KIAA1549: variants seen among roughly 807,000 people sequenced by gnomAD.
KIAA1549 encodes UPF0606 protein KIAA1549.
Under a neutral mutation model 156.4 loss-of-function variants are expected in KIAA1549, and 70 were observed. That is an observed-to-expected ratio of 0.45 (90% CI 0.37 to 0.55). The LOEUF (loss-of-function observed/expected upper bound fraction) is 0.55, where lower values mean the gene tolerates loss of function less well. KIAA1549 is among the 20% of genes least tolerant of loss of function. The probability of loss-of-function intolerance (pLI) is 0.00; values close to 1 mark genes in which losing one functional copy is unlikely to be tolerated. For synonymous variants in KIAA1549, 1,103 were observed against 1,066.4 expected, an observed-to-expected ratio of 1.03 and a Z score of -0.67; for missense variants, 2,428 against 2,540.9, an observed-to-expected ratio of 0.96 and a Z score of 0.96.
intron 16 of KIAA1549, among the ~76,000 whole-genome samples, chr7:138,858,463 G>A (rs937044119): frequency 1.3e-5 from 2 of 151,984 alleles, no homozygotes; most frequent in East Asian, 3.9e-4. Context: ...TTGATTTGAT[G>A]CAGACATTAT....
intron 1 of KIAA1549, among the ~76,000 whole-genome samples, chr7:138,978,929 C>A (rs531046722): frequency 1.3e-5 from 2 of 152,232 alleles, no homozygotes; most frequent in Non-Finnish European, 2.9e-5. Flanking sequence ...CCACCCTCCA[C>A]CAAGATCGTT....
chr7:138,950,010 G>A (rs996486156), intron 1 of KIAA1549, among the ~76,000 whole-genome samples: 1 of 152,216 alleles, frequency 6.6e-6, no homozygotes, highest in Non-Finnish European at 1.5e-5. Flanking sequence ...AGTTATCCCA[G>A]CACCATGAGC....
intron 1 of KIAA1549, among the ~76,000 whole-genome samples, chr7:138,970,399 A>T (rs934414421): frequency 6.6e-6 from 1 of 152,204 alleles, no homozygotes; most frequent in African/African-American, 2.4e-5. Flanking sequence ...CCAGCCAGGC[A>T]CCAGCTCAGC....
In KIAA1549 at chr7:138,918,424, C is replaced by G. The variant is rs1812421025; in HGVS notation, c.1202G>C (p.Gly401Ala). 1 of 1,613,866 alleles carries G rather than the reference C, an allele frequency of 6.2e-7. No homozygotes were observed. Among genetic ancestry groups the G allele is most frequent in the African/African-American group, 1.3e-5 (1 of 74,980 alleles). The change falls in exon 2 of 20, where the codon GGT becomes GCT. Residue 401 changes from glycine to alanine, a missense_variant. Physicochemically the swap from Gly to Ala is moderately conservative, Grantham distance 60. Around this residue, in one of 5 missense-constraint regions of KIAA1549, gnomAD observed 893 missense variants for 847.9 expected, o/e 1.05. Coordinates refer to ENST00000422774, the MANE Select transcript of KIAA1549 (RefSeq NM_001164665.2). This position sits in a 1 kb window ranked among gnomAD's most constrained non-coding sequence, Gnocchi z 4.2. ...CAGGATATGAGTGTTGTCCACAGGACCGGGGAGGGCTGAATTGCTATGCAA... is the reference window on the plus strand; with the variant it reads ...CAGGATATGAGTGTTGTCCACAGGAGCGGGGAGGGCTGAATTGCTATGCAA... ...SELHSNSALP[G>A]PVDNTHILSP...
chr7:138,950,052 G>C (rs934928054), intron 1 of KIAA1549, among the ~76,000 whole-genome samples: 2 of 152,214 alleles, frequency 1.3e-5, no homozygotes, highest in Non-Finnish European at 2.9e-5. Context: ...GTGTTAAAAC[G>C]TGTGTATGGC....
In KIAA1549 at chr7:138,835,301, A is replaced by G; in HGVS notation, c.*2605T>C. 1 of 215,636 alleles carries G rather than the reference A, an allele frequency of 4.6e-6. No individual in the cohort carries two copies. The highest frequency in any genetic ancestry group is 9.4e-6 in the Non-Finnish European group (1 of 106,854). 13.4% of individuals were successfully genotyped at this position (215,636 alleles called of 1,614,324 possible). ...CTGTGTGTGCTTTATGACCACCAGCAGAGGGCTGGTGATCCGGGGGCCTGC... is the reference window on the plus strand; with the variant it reads ...CTGTGTGTGCTTTATGACCACCAGCGGAGGGCTGGTGATCCGGGGGCCTGC... On this transcript the variant is annotated 3_prime_UTR_variant, in exon 20 of 20. Coordinates refer to ENST00000422774, the MANE Select transcript of KIAA1549 (RefSeq NM_001164665.2).
chr7:138,953,482 G>C (rs1813556953), intron 1 of KIAA1549, among the ~76,000 whole-genome samples: 2 of 151,978 alleles, frequency 1.3e-5, no homozygotes, highest in Admixed American at 1.3e-4. Context: ...TTTTTAAGAA[G>C]GGTCATCCCT....
chr7:138,962,463 C>G (rs749057557), intron 1 of KIAA1549, among the ~76,000 whole-genome samples: 24 of 152,162 alleles, frequency 1.6e-4, no homozygotes, highest in Non-Finnish European at 2.4e-4. Context: ...CAGAATGCAT[C>G]AGAGACAACT....
chr7:138,897,543 TG>T (rs778518141), intron 9 of KIAA1549, among the ~76,000 whole-genome samples: 3 of 152,152 alleles, frequency 2.0e-5, no homozygotes, highest in Non-Finnish European at 4.4e-5. Flanking sequence ...CTTTTATTGC[TG>T]GGAGCAAGTT....
chr7:138,916,415 G>A (rs967387966), intron 2 of KIAA1549, among the ~76,000 whole-genome samples: 5 of 152,104 alleles, frequency 3.3e-5, no homozygotes, highest in African/African-American at 9.7e-5. Context: ...CCTTGTGACT[G>A]CTGACTAATA....
chr7:138,911,556 T>C (rs912837460), intron 3 of KIAA1549, among the ~76,000 whole-genome samples: 11 of 152,140 alleles, frequency 7.2e-5, no homozygotes, highest in Non-Finnish European at 1.6e-4. Flanking sequence ...AACTGAATAA[T>C]GAGTTATAGG....
At chr7:138,907,991 C>G (rs187648830) in intron 5 of KIAA1549, among the ~76,000 whole-genome samples, 344 of 152,252 alleles carry the variant, frequency 2.3e-3, no homozygotes, top group African/African-American at 8.0e-3. Flanking sequence ...ACACTGCACC[C>G]AGAGAGAAGC....
At position 138,894,323 on chromosome 7, in the gene KIAA1549, G is replaced by A. The variant is rs769303917; in HGVS notation, c.4032+19C>T. The A allele has an allele frequency of 3.1e-6, 5 of 1,612,960 alleles. No homozygotes were observed. The highest frequency in any genetic ancestry group is 4.2e-6 in the Non-Finnish European group (5 of 1,179,096). ...CAAAACTGCTTATAGGAACACTGGG[G>A]GAAGAGGCTGCCCGTTACCTTCTGA... On this transcript the variant is annotated intron_variant, in intron 10 of 19. Coordinates refer to ENST00000422774, the MANE Select transcript of KIAA1549 (RefSeq NM_001164665.2).
chr7:138,894,099 C>A (rs1254232434), intron 10 of KIAA1549, among the ~76,000 whole-genome samples: 1 of 152,174 alleles, frequency 6.6e-6, no homozygotes, highest in Non-Finnish European at 1.5e-5. Flanking sequence ...CATAGTAGAA[C>A]CCGGAGGGCA....
At chr7:138,863,183 G>A (rs1810638665) in intron 15 of KIAA1549, among the ~76,000 whole-genome samples, 1 of 151,762 alleles carries the variant, frequency 6.6e-6, no homozygotes, top group South Asian at 2.1e-4. Flanking sequence ...CAGACACAGT[G>A]AAGAGAGAAA....
intron 1 of KIAA1549, among the ~76,000 whole-genome samples, chr7:138,929,778 C>CT (rs879853075): frequency 2.6e-4 from 39 of 152,312 alleles, no homozygotes; most frequent in Middle Eastern, 6.8e-3. Context: ...CACCCTTGAA[C>CT]TCCTGGGCTC....
chr7:138,966,187 G>C (rs949521692), intron 1 of KIAA1549, among the ~76,000 whole-genome samples: 1 of 152,102 alleles, frequency 6.6e-6, no homozygotes, highest in Non-Finnish European at 1.5e-5. Context: ...GTGGAAACAG[G>C]GTCATCAAAG....
chr7:138,976,289 C>T (rs374303349), intron 1 of KIAA1549, among the ~76,000 whole-genome samples: 3 of 152,162 alleles, frequency 2.0e-5, no homozygotes, highest in African/African-American at 7.2e-5. Flanking sequence ...GTTGGCCAGG[C>T]TGGTCTCCAA....
At position 138,894,334 on chromosome 7, in the gene KIAA1549, C is replaced by T; in HGVS notation, c.4032+8G>A. 1 of 1,613,696 alleles carries T rather than the reference C, an allele frequency of 6.2e-7. No homozygotes were observed. Among genetic ancestry groups the T allele is most frequent in the Non-Finnish European group, 8.5e-7 (1 of 1,179,652 alleles). The stretch of plus-strand genomic sequence containing the variant: ...ATAGGAACACTGGGGGAAGAGGCTG[C>T]CCGTTACCTTCTGACGCTGCTGAAT... On this transcript the variant is annotated splice_region_variant and intron_variant, in intron 10 of 19. Coordinates refer to ENST00000422774, the MANE Select transcript of KIAA1549 (RefSeq NM_001164665.2).
Sources: gnomAD v4.1 joint callset for allele counts (sites outside exome capture counted in the v4.1 genomes callset) on GRCh38, gnomAD v4.1.1 for gene constraint, gnomAD v4.1.1 regional missense constraint, Gnocchi (gnomAD v3.1) non-coding constraint, MANE v1.5 for transcripts, NCBI Gene and HGNC (gene_info 2026-07-23, HGNC 2026-07-21) for gene names.